The following PCDHGC4 variants were observed in gnomAD, a reference collection of about 807,000 sequenced individuals.
The protein encoded by PCDHGC4 is protocadherin gamma subfamily C, 4.
In PCDHGC4, 15 loss-of-function variants were observed where a neutral mutation model predicts 59.7. That is an observed-to-expected ratio of 0.25 (90% CI 0.17 to 0.39). The LOEUF (loss-of-function observed/expected upper bound fraction) is 0.39. Ranked by LOEUF, PCDHGC4 falls within the 10% of genes least tolerant of loss-of-function variation. The pLI is 1.00. For missense variants in PCDHGC4, 1,016 were observed against 1,189.5 expected (o/e 0.85, Z 2.15); for synonymous variants, 434 against 481.4 (o/e 0.90, Z 1.29).
At position 141,486,209 on chromosome 5, in the gene PCDHGC4, A is replaced by G. The variant is rs749965379; in HGVS notation, c.1036A>G (p.Asn346Asp). 1.2e-6 allele frequency: 2 copies of G among 1,614,080 alleles called. No homozygotes were observed. The highest frequency in any genetic ancestry group is 1.7e-6 in the Non-Finnish European group (2 of 1,179,988). Reference protein sequence around the residue: ...LRVDLLDVNDNAPYITVTSEL... With the variant: ...LRVDLLDVNDDAPYITVTSEL... ...AGTGGATCTGCTGGACGTAAATGAC[A>G]ATGCCCCTTACATCACAGTGACCTC... Residue 346 changes from asparagine to aspartate, a missense_variant, in exon 1 of 4, where the codon AAT becomes GAT. Physicochemically the swap from Asn to Asp is conservative, Grantham distance 23. Transcript: ENST00000306593. The surrounding 1 kb of genome is among the most constrained non-coding windows in gnomAD (Gnocchi z 5.0).
At position 141,490,108 on chromosome 5, in the gene PCDHGC4, C is replaced by T. The variant is rs566655929; in HGVS notation, c.2442+2493C>T. 1.4e-5 allele frequency: 22 copies of T among 1,614,244 alleles called. No individual in the cohort carries two copies. Among genetic ancestry groups the T allele is most frequent in the South Asian group, 5.5e-5 (5 of 91,090 alleles). The stretch of plus-strand genomic sequence containing the variant: ...TGGAGACCACACATCTGAGGCAGTG[C>T]GGAACCTCTTTGGCCTAGACCCTAG... On this transcript the variant is annotated intron_variant, in intron 1 of 3. Coordinates refer to ENST00000306593, the MANE Select transcript of PCDHGC4 (RefSeq NM_018928.3). This position sits in a 1 kb window ranked among gnomAD's most constrained non-coding sequence, Gnocchi z 5.4.
chr5:141,505,246 G>C, intron 2 of PCDHGC4, 147 bp from the exon 3 acceptor site: 2 of 1,436,674 alleles, frequency 1.4e-6, no homozygotes, highest in Non-Finnish European at 1.9e-6. Flanking sequence ...AAGGATTGTA[G>C]AAGTGCCTCC....
chr5:141,499,223 C>T (rs1478344280), intron 2 of PCDHGC4, among the ~76,000 whole-genome samples: 2 of 152,112 alleles, frequency 1.3e-5, no homozygotes, highest in African/African-American at 4.8e-5. Context: ...CCCTGCCCTG[C>T]AGCTGTCCCC....
In PCDHGC4 at chr5:141,486,397, G is replaced by T; in HGVS notation, c.1224G>T (p.Val408=). 6.2e-7 allele frequency: 1 copy of T among 1,614,164 alleles called. No individual in the cohort carries two copies. Among genetic ancestry groups the T allele is most frequent in the East Asian group, 2.2e-5 (1 of 44,872 alleles). Residue 408 remains valine (V), a synonymous_variant, in exon 1 of 4, where the codon GTG becomes GTT. Coordinates refer to ENST00000306593, the MANE Select transcript of PCDHGC4 (RefSeq NM_018928.3). The surrounding 1 kb of genome is among the most constrained non-coding windows in gnomAD (Gnocchi z 5.0). ...KSAFRNQFSL[V]TAGPLDREAK... is the part of the protein sequence containing the mutation. ...CCTTCAGGAACCAGTTCTCCCTGGTGACTGCTGGACCCTTGGATCGAGAGG... is the reference window on the plus strand; with the variant it reads ...CCTTCAGGAACCAGTTCTCCCTGGTTACTGCTGGACCCTTGGATCGAGAGG...
Position 141,490,942 on chromosome 5 carries a change from C to T in PCDHGC4, c.2442+3327C>T, listed in dbSNP as rs371286343. On this transcript the variant is annotated intron_variant, in intron 1 of 3. Coordinates refer to ENST00000306593, the MANE Select transcript of PCDHGC4 (RefSeq NM_018928.3). This position sits in a 1 kb window ranked among gnomAD's most constrained non-coding sequence, Gnocchi z 5.4. ...TAATGCCCCAGCTGTGCTGCACCCA[C>T]GGCCAGACTGGGAACACTCAGCCCC... 8.7e-5 allele frequency: 141 copies of T among 1,613,526 alleles called. No individual in the cohort carries two copies. Among genetic ancestry groups the T allele is most frequent in the Non-Finnish European group, 1.1e-4 (126 of 1,179,768 alleles).
Position 141,490,760 on chromosome 5 carries a change from T to G in PCDHGC4, c.2442+3145T>G. 1 of 1,614,070 alleles carries G rather than the reference T, an allele frequency of 6.2e-7. No individual in the cohort carries two copies. On this transcript the variant is annotated intron_variant, in intron 1 of 3. Coordinates refer to ENST00000306593, the MANE Select transcript of PCDHGC4 (RefSeq NM_018928.3). This position sits in a 1 kb window ranked among gnomAD's most constrained non-coding sequence, Gnocchi z 5.4. Reference sequence around the variant, plus strand: ...CAGGGAGCCCCAGCCTCCTCCTTTGTGTATGTCAACCCAGAGGATGGACGG... The same window carrying G: ...CAGGGAGCCCCAGCCTCCTCCTTTGGGTATGTCAACCCAGAGGATGGACGG...
In PCDHGC4 at chr5:141,502,866, C is replaced by CTTTTTTTTTT. The variant is rs549047197; in HGVS notation, c.2502-2522_2502-2513dup. On this transcript the variant is annotated intron_variant, in intron 2 of 3. Transcript: ENST00000306593. ...GAGCTGCCTAACCCTGACTCTCTGT[C>CTTTTTTTTTT]TTTTTTTTTTTTTTGACAGGGAGTC... 1.9e-3 allele frequency among the ~76,000 whole-genome samples: 240 copies of CTTTTTTTTTT among 127,966 alleles called. 11 individuals are homozygous for CTTTTTTTTTT. The highest frequency in any genetic ancestry group is 3.5e-3 in the Admixed American group (41 of 11,656). The allele number at this position is 127,966 out of a possible 152,430, so 84.0% of individuals were successfully genotyped here.
rs773048793 is a variant in PCDHGC4, at chr5:141,505,456, A to T, written c.2565A>T (p.Gln855His). The T allele has an allele frequency of 1.3e-5, 21 of 1,614,110 alleles. No homozygotes were observed. The highest frequency in any genetic ancestry group is 1.7e-5 in the Non-Finnish European group (20 of 1,180,044). The change falls in exon 3 of 4, where the codon CAA becomes CAT. Residue 855 changes from glutamine (Q) to histidine (H), a missense_variant. By Grantham distance (24) the Gln-to-His change is conservative (BLOSUM62 0). Coordinates refer to ENST00000306593, the MANE Select transcript of PCDHGC4 (RefSeq NM_018928.3). ...ACCAGTTTGACACAGAGATGCTGCA[A>T]GCCATGATCTTGGCGTCCGCCAGTG... ...PNNQFDTEML[Q>H]AMILASASEA...
chr5:141,491,578 C>G lies in PCDHGC4; in HGVS notation c.2443-3229C>G, dbSNP rs1438933474. ...CCACTGCTACAGGACGTGCTTTTCA[C>G]CGGCCTCGGACGGCAGTGACTTCAC... On this transcript the variant is annotated intron_variant, in intron 1 of 3. Transcript: ENST00000306593. This position sits in a 1 kb window ranked among gnomAD's most constrained non-coding sequence, Gnocchi z 6.9. The G allele has an allele frequency of 1.9e-6, 3 of 1,614,006 alleles. No individual in the cohort carries two copies. Among genetic ancestry groups the G allele is most frequent in the Non-Finnish European group, 2.5e-6 (3 of 1,180,036 alleles).
chr5:141,508,269 C>T (rs1459186158), intron 3 of PCDHGC4: 1 of 152,186 alleles, frequency 6.6e-6, no homozygotes, highest in East Asian at 1.9e-4. Flanking sequence ...GAGAAAATCC[C>T]GGTCCTTGAC....
chr5:141,501,237 A>G (rs1327502244), intron 2 of PCDHGC4, among the ~76,000 whole-genome samples: 1 of 150,372 alleles, frequency 6.7e-6, no homozygotes, highest in Non-Finnish European at 1.5e-5. Flanking sequence ...CAGTTTTTTG[A>G]GCATGATGTA....
rs2099696598 is a variant in PCDHGC4, at chr5:141,490,144, A to C, written c.2442+2529A>C. The C allele has an allele frequency of 2.5e-6, 4 of 1,614,214 alleles. No homozygotes were observed. In the East Asian group the frequency reaches 6.7e-5, roughly 27 times the overall value. ...TGGCCTAGACCCTAGCAGTGGGGCA[A>C]TCCATGTGTTGGGTCCCATAGACTT... On this transcript the variant is annotated intron_variant, in intron 1 of 3. Transcript: ENST00000306593. The surrounding 1 kb of genome is among the most constrained non-coding windows in gnomAD (Gnocchi z 5.4).
intron 1 of PCDHGC4, among the ~76,000 whole-genome samples, chr5:141,488,305 T>C (rs1452293355): frequency 6.6e-6 from 1 of 152,234 alleles, no homozygotes; most frequent in African/African-American, 2.4e-5. Context: ...AAATCACTTA[T>C]GTCAGAAAAC....
In PCDHGC4 at chr5:141,486,981, A is replaced by G. The variant is rs1457098151; in HGVS notation, c.1808A>G (p.Asn603Ser). ...VTAVDLDSGYNAWVSYQLLEA... is the reference protein window; with the variant it reads ...VTAVDLDSGYSAWVSYQLLEA... Reference sequence around the variant, plus strand: ...GCTGTGGACTTGGATTCAGGTTACAATGCTTGGGTTTCCTATCAGCTCCTG... The same window carrying G: ...GCTGTGGACTTGGATTCAGGTTACAGTGCTTGGGTTTCCTATCAGCTCCTG... The change falls in exon 1 of 4, where the codon AAT becomes AGT. Residue 603 changes from asparagine to serine, a missense_variant. By Grantham distance (46) the Asn-to-Ser change is conservative (BLOSUM62 1). Coordinates refer to ENST00000306593, the MANE Select transcript of PCDHGC4 (RefSeq NM_018928.3). The surrounding 1 kb of genome is among the most constrained non-coding windows in gnomAD (Gnocchi z 5.0). 17 of 1,614,038 alleles carry G rather than the reference A, an allele frequency of 1.1e-5. No individual in the cohort carries two copies. The highest frequency in any genetic ancestry group is 4.0e-5 in the African/African-American group (3 of 74,922).
chr5:141,486,089 G>T lies in PCDHGC4; in HGVS notation c.916G>T (p.Gly306Trp), dbSNP rs2099624123. The change falls in exon 1 of 4, where the codon GGG becomes TGG. Residue 306 changes from glycine to tryptophan, a missense_variant. Coordinates refer to ENST00000306593, the MANE Select transcript of PCDHGC4 (RefSeq NM_018928.3). The surrounding 1 kb of genome is among the most constrained non-coding windows in gnomAD (Gnocchi z 5.0). Reference protein sequence around the residue: ...HPTTGKLTLLGPLDFESENYY... With the variant: ...HPTTGKLTLLWPLDFESENYY... ...CACTACTGGAAAGCTTACTCTTTTG[G>T]GGCCCCTAGACTTTGAGAGTGAGAA... is the stretch of plus-strand genomic sequence containing the variant. 1 of 1,614,084 alleles carries T rather than the reference G, an allele frequency of 6.2e-7. No individual in the cohort carries two copies. The highest frequency in any genetic ancestry group is 8.5e-7 in the Non-Finnish European group (1 of 1,180,014).
At chr5:141,488,389 A>G (rs1322717951) in intron 1 of PCDHGC4, among the ~76,000 whole-genome samples, 1 of 152,224 alleles carries the variant, frequency 6.6e-6, no homozygotes, top group East Asian at 1.9e-4. Context: ...GAATTTGGTG[A>G]AACCATGAAA....
At chr5:141,495,571 C>T (rs1031548699) in intron 2 of PCDHGC4, among the ~76,000 whole-genome samples, 1 of 152,198 alleles carries the variant, frequency 6.6e-6, no homozygotes, top group African/African-American at 2.4e-5. Flanking sequence ...TCTGCCTCTC[C>T]CTCTCTTCTC....
At chr5:141,494,758 T>A (rs370692038) in intron 1 of PCDHGC4, 49 bp from the exon 2 acceptor site, 2 of 1,613,800 alleles carry the variant, frequency 1.2e-6, no homozygotes, top group Admixed American at 3.3e-5. Context: ...CGGGTGACAT[T>A]CTAACTTCTC....
At position 141,487,641 on chromosome 5, in the gene PCDHGC4, T is replaced by C. The variant is rs1343702532; in HGVS notation, c.2442+26T>C. The stretch of plus-strand genomic sequence containing the variant: ...GTGAGACCTTTGCAGGCTCAACAAA[T>C]GCTTGAGGGTTATTCTGATCCAGGC... On this transcript the variant is annotated intron_variant, in intron 1 of 3. Coordinates refer to ENST00000306593, the MANE Select transcript of PCDHGC4 (RefSeq NM_018928.3). The surrounding 1 kb of genome is among the most constrained non-coding windows in gnomAD (Gnocchi z 5.0). The C allele has an allele frequency of 6.2e-7, 1 of 1,614,122 alleles. No individual in the cohort carries two copies. Among genetic ancestry groups the C allele is most frequent in the Non-Finnish European group, 8.5e-7 (1 of 1,179,998 alleles).
Sources: gnomAD v4.1 joint callset for allele counts (sites outside exome capture counted in the v4.1 genomes callset) on GRCh38, gnomAD v4.1.1 for gene constraint, Gnocchi (gnomAD v3.1) non-coding constraint, MANE v1.5 for transcripts, NCBI Gene and HGNC (gene_info 2026-07-23, HGNC 2026-07-21) for gene names.